CAMK2B: variants seen among roughly 807,000 people sequenced by gnomAD.
The protein encoded by CAMK2B is calcium/calmodulin dependent protein kinase II beta, also known as calcium/calmodulin-dependent protein kinase type II subunit beta.
Under a neutral mutation model 93.7 loss-of-function variants are expected in CAMK2B, and 27 were observed. The ratio of observed to expected loss-of-function variants is 0.29; its 90% CI spans 0.21 to 0.40. The LOEUF (loss-of-function observed/expected upper bound fraction) is 0.40. Ranked by LOEUF, CAMK2B falls within the 10% of genes least tolerant of loss-of-function variation. CAMK2B has a pLI of 1.00. For missense variants in CAMK2B, 568 were observed against 895.8 expected, an observed-to-expected ratio of 0.63 and a Z score of 4.67; for synonymous variants, 374 against 358.8, an observed-to-expected ratio of 1.04 and a Z score of -0.48.
intron 13 of CAMK2B, 100 bp downstream of exon 13, chr7:44,239,489 C>A (rs562175757): frequency 1.8e-6 from 2 of 1,108,950 alleles, no homozygotes; most frequent in Admixed American, 2.0e-5. Context: ...GCCTCTGGGG[C>A]GGCTCTGGAG....
intron 13 of CAMK2B, among the ~76,000 whole-genome samples, chr7:44,238,204 C>G (rs2096643749): frequency 1.3e-5 from 2 of 152,222 alleles, no homozygotes; most frequent in Admixed American, 6.5e-5. Context: ...GACAGCCATG[C>G]TGGGCTCTGT....
chr7:44,232,784 T>C (rs747084409), intron 16 of CAMK2B, 38 bp downstream of exon 16: 12 of 1,602,956 alleles, frequency 7.5e-6, no homozygotes, highest in South Asian at 2.2e-5. Flanking sequence ...TGGAGCCTCC[T>C]GCCTGGGGAA....
intron 1 of CAMK2B, among the ~76,000 whole-genome samples, chr7:44,290,740 A>C (rs543206599): frequency 5.9e-5 from 9 of 152,312 alleles, no homozygotes; most frequent in Admixed American, 2.0e-4. Flanking sequence ...TGACCTAAGC[A>C]ATTTGGTGGA....
intron 1 of CAMK2B, among the ~76,000 whole-genome samples, chr7:44,289,040 A>G (rs1785970447): frequency 1.3e-5 from 2 of 152,138 alleles, no homozygotes; most frequent in South Asian, 4.1e-4. Flanking sequence ...CCTCGCATCC[A>G]GTCTATGGCT....
intron 1 of CAMK2B, among the ~76,000 whole-genome samples, chr7:44,292,256 C>T (rs913814252): frequency 2.0e-5 from 3 of 152,104 alleles, no homozygotes; most frequent in African/African-American, 4.8e-5. Flanking sequence ...CAAGAACACC[C>T]GTTTTACAAG....
chr7:44,322,767 A>T (rs1022148609), intron 1 of CAMK2B, among the ~76,000 whole-genome samples: 1 of 152,218 alleles, frequency 6.6e-6, no homozygotes, highest in African/African-American at 2.4e-5. Context: ...ACAGCAGAAA[A>T]GGATGGGGCA....
chr7:44,234,313 G>A, intron 15 of CAMK2B, 77 bp downstream of exon 15: 3 of 1,322,204 alleles, frequency 2.3e-6, no homozygotes, highest in Non-Finnish European at 2.0e-6. Flanking sequence ...CCTTCACCCG[G>A]CCCCCTCTGA....
intron 23 of CAMK2B, 38 bp downstream of exon 23, chr7:44,220,022 C>G: frequency 6.7e-7 from 1 of 1,486,174 alleles, no homozygotes; most frequent in South Asian, 1.3e-5. Flanking sequence ...CCACCGCCAC[C>G]CCTCTGCCCC....
At chr7:44,300,020 CTGTGTGTGTGTG>C (rs143590426) in intron 1 of CAMK2B, among the ~76,000 whole-genome samples, 3 of 141,628 alleles carry the variant, frequency 2.1e-5, no homozygotes, top group Non-Finnish European at 4.6e-5. Flanking sequence ...GTGTATGTGT[CTGTGTGTGTGTG>C]TGTGTGTGTG....
intron 8 of CAMK2B, among the ~76,000 whole-genome samples, chr7:44,242,929 G>C (rs924174235): frequency 6.6e-6 from 1 of 152,158 alleles, no homozygotes; most frequent in Non-Finnish European, 1.5e-5. Flanking sequence ...CCTACCCAAG[G>C]AGGTGGCCCT....
At position 44,225,718 on chromosome 7, in the gene CAMK2B, A is replaced by G. The variant is rs1186911249; in HGVS notation, c.1597+798T>C. The stretch of plus-strand genomic sequence containing the variant: ...AGCAGCCCCCAGGCCCAGCCTGCAG[A>G]GGGGACGGTGGCAAGCAGACCCCAC... On this transcript the variant is annotated intron_variant, in intron 20 of 23. Transcript: ENST00000395749. The surrounding 1 kb of genome is among the most constrained non-coding windows in gnomAD (Gnocchi z 5.0). 4.7e-6 allele frequency: 6 copies of G among 1,288,126 alleles called. No individual in the cohort carries two copies. The highest frequency in any genetic ancestry group is 1.2e-5 in the South Asian group (1 of 80,998). 79.8% of individuals were successfully genotyped at this position (1,288,126 alleles called of 1,614,324 possible).
intron 6 of CAMK2B, chr7:44,245,129 C>T (rs998273862): frequency 3.8e-5 from 14 of 368,246 alleles, no homozygotes; most frequent in African/African-American, 1.1e-4. Context: ...GCAGTTCTTC[C>T]GAAGAGAAGG....
intron 2 of CAMK2B, among the ~76,000 whole-genome samples, chr7:44,281,320 C>T (rs1004864614): frequency 2.0e-5 from 3 of 152,204 alleles, no homozygotes; most frequent in Non-Finnish European, 2.9e-5. Flanking sequence ...GGGGCAGCCA[C>T]GGGACATATG....
At chr7:44,268,789 C>A (rs950998161) in intron 2 of CAMK2B, 1 of 152,260 alleles carries the variant, frequency 6.6e-6, no homozygotes, top group East Asian at 1.9e-4. Flanking sequence ...GCAGGGGCCA[C>A]CTCAAGGTGC....
In CAMK2B at chr7:44,233,895, C is replaced by T. The variant is rs1018913039; in HGVS notation, c.1131+495G>A. The stretch of plus-strand genomic sequence containing the variant: ...CCTCTCTACTGCACCACCGTGGCCC[C>T]GTCTCCCCATGGGCCGTGGAATGTG... On this transcript the variant is annotated intron_variant, in intron 15 of 23. Coordinates refer to ENST00000395749, the MANE Select transcript of CAMK2B (RefSeq NM_001220.5). Among the ~76,000 whole-genome samples, 10 of 152,216 alleles carry T rather than the reference C, an allele frequency of 6.6e-5. No individual in the cohort carries two copies. The East Asian group carries it at 1.5e-3, about 23-fold the overall frequency.
intron 1 of CAMK2B, among the ~76,000 whole-genome samples, chr7:44,288,779 G>A (rs992839787): frequency 2.0e-5 from 3 of 152,130 alleles, no homozygotes; most frequent in African/African-American, 7.2e-5. Flanking sequence ...ATGGAGGCCC[G>A]GAACTACATG....
intron 2 of CAMK2B, among the ~76,000 whole-genome samples, chr7:44,283,571 G>C (rs1358751455): frequency 6.6e-6 from 1 of 152,230 alleles, no homozygotes; most frequent in Non-Finnish European, 1.5e-5. Context: ...TAGAAGACTT[G>C]GGCTCTGTTA....
At position 44,229,476 on chromosome 7, in the gene CAMK2B, G is replaced by A. The variant is rs2128914658; in HGVS notation, c.1251C>T (p.Ser417=). ...AKAPRVPDIL[S]SVRRGSGAPE... is the part of the protein sequence containing the mutation. Reference sequence around the variant, plus strand: ...GGGCTCCCGAGCCCCTCCTCACTGAGCTCAGGATGTCGGGGACCCTGGGGG... The same window carrying A: ...GGGCTCCCGAGCCCCTCCTCACTGAACTCAGGATGTCGGGGACCCTGGGGG... The change falls in exon 18 of 24, where the codon AGC becomes AGT. Residue 417 remains serine (S), a synonymous_variant. Coordinates refer to ENST00000395749, the MANE Select transcript of CAMK2B (RefSeq NM_001220.5). 2 of 1,463,524 alleles carry A rather than the reference G, an allele frequency of 1.4e-6. No individual in the cohort carries two copies. Among genetic ancestry groups the A allele is most frequent in the Non-Finnish European group, 1.8e-6 (2 of 1,107,530 alleles). 90.7% of individuals were successfully genotyped at this position (1,463,524 alleles called of 1,614,324 possible). A position where few individuals can be genotyped will look rare whatever the true frequency, so the allele number is the denominator to read the frequency against.
At chr7:44,221,746 C>T (rs1278389214) in intron 20 of CAMK2B, among the ~76,000 whole-genome samples, 1 of 152,238 alleles carries the variant, frequency 6.6e-6, no homozygotes, top group Admixed American at 6.5e-5. Context: ...AACAGGCCAC[C>T]CAGCCATGCT....
Sources: gnomAD v4.1 joint callset for allele counts (sites outside exome capture counted in the v4.1 genomes callset) on GRCh38, gnomAD v4.1.1 for gene constraint, Gnocchi (gnomAD v3.1) non-coding constraint, MANE v1.5 for transcripts, NCBI Gene and HGNC (gene_info 2026-07-23, HGNC 2026-07-21) for gene names.